The following LAMA4 variants were observed in gnomAD, a reference collection of about 807,000 sequenced individuals.
LAMA4 encodes the protein laminin subunit alpha 4.
Under a neutral mutation model 207.1 loss-of-function variants are expected in LAMA4, and 127 were observed. The observed-to-expected ratio is 0.61, with a 90% CI of 0.53 to 0.71. The LOEUF is 0.71. LAMA4 is among the 30% of genes least tolerant of loss of function. LAMA4 has a pLI of 0.00. For synonymous variants in LAMA4, 761 were observed against 816.0 expected (o/e 0.93, Z 1.15); for missense variants, 2,093 against 2,246.5 (o/e 0.93, Z 1.38).
intron 17 of LAMA4, among the ~76,000 whole-genome samples, chr6:112,148,652 T>C (rs1459072792): frequency 6.6e-6 from 1 of 152,146 alleles, no homozygotes; most frequent in African/African-American, 2.4e-5. Flanking sequence ...AGTAGGCTTG[T>C]GGAACACTTC....
chr6:112,247,697 C>T (rs1263083141), intron 2 of LAMA4, among the ~76,000 whole-genome samples: 1 of 152,138 alleles, frequency 6.6e-6, no homozygotes, highest in African/African-American at 2.4e-5. Flanking sequence ...AGTCTTAAAA[C>T]TTTCTCTGTA....
intron 9 of LAMA4, 78 bp downstream of exon 9, chr6:112,185,159 T>C (rs1782608273): frequency 9.4e-6 from 9 of 961,896 alleles, no homozygotes; most frequent in Non-Finnish European, 1.5e-5. Context: ...GCCTCAGTCG[T>C]TTGTGACCAG....
chr6:112,144,870 C>T lies in LAMA4; in HGVS notation c.2417G>A (p.Arg806Gln), dbSNP rs1554334150. The T allele has an allele frequency of 5.6e-6, 9 of 1,613,998 alleles. No individual in the cohort carries two copies. Among genetic ancestry groups the T allele is most frequent in the Admixed American group, 5.0e-5 (3 of 60,030 alleles). The change falls in exon 19 of 39, where the codon CGA becomes CAA. Residue 806 changes from arginine to glutamine, a missense_variant. By Grantham distance (43) the Arg-to-Gln change is conservative. Transcript: ENST00000230538. Reference protein sequence around the residue: ...LDQLRTVEQKRPASNVSASIQ... With the variant: ...LDQLRTVEQKQPASNVSASIQ... The stretch of plus-strand genomic sequence containing the variant: ...GCTGGCAGAAACGTTGCTTGCAGGT[C>T]GCTTCTGCTCAACCGTACGAAGCTG...
intron 7 of LAMA4, among the ~76,000 whole-genome samples, chr6:112,188,713 T>G (rs1228644939): frequency 6.6e-6 from 1 of 152,198 alleles, no homozygotes; most frequent in Non-Finnish European, 1.5e-5. Flanking sequence ...AGAAGCCACT[T>G]AAATCTCTTG....
chr6:112,238,292 C>G (rs782634002), intron 2 of LAMA4, among the ~76,000 whole-genome samples: 113 of 152,278 alleles, frequency 7.4e-4, no homozygotes, highest in Non-Finnish European at 1.2e-3. Flanking sequence ...AGGTAGTGTG[C>G]ACCTTTTTGC....
chr6:112,175,719 G>T (rs1554343517), intron 10 of LAMA4, among the ~76,000 whole-genome samples: 1 of 152,230 alleles, frequency 6.6e-6, no homozygotes, highest in African/African-American at 2.4e-5. Flanking sequence ...CCCATGCGGG[G>T]TCTTCAGAAT....
At position 112,117,439 on chromosome 6, in the gene LAMA4, GC is replaced by G. The variant is rs1212975044; in HGVS notation, c.4981+299del. Among the ~76,000 whole-genome samples, 2 of 152,146 alleles carry G rather than the reference GC, an allele frequency of 1.3e-5. No homozygotes were observed. Among genetic ancestry groups the G allele is most frequent in the African/African-American group, 2.4e-5 (1 of 41,430 alleles). ...GAGCAAGACCTTGAGGAGCAAGGTG[GC>G]CAAAAACTGACATGGATCAGGCCAC... On this transcript the variant is annotated intron_variant, in intron 35 of 38. Coordinates refer to ENST00000230538, the MANE Select transcript of LAMA4 (RefSeq NM_001105206.3). The surrounding 1 kb of genome is among the most constrained non-coding windows in gnomAD (Gnocchi z 4.5).
At chr6:112,155,368 C>G in intron 15 of LAMA4, 197 bp downstream of exon 15, 1 of 619,556 alleles carries the variant, frequency 1.6e-6, no homozygotes, top group Non-Finnish European at 2.8e-6. Flanking sequence ...CATTTGCTGA[C>G]TGGACTACAG....
At chr6:112,176,162 C>T (rs1318651245) in intron 10 of LAMA4, among the ~76,000 whole-genome samples, 1 of 152,196 alleles carries the variant, frequency 6.6e-6, no homozygotes, top group Non-Finnish European at 1.5e-5. Context: ...TTTCACCCCA[C>T]TTCCATAAGT....
At chr6:112,158,591 A>G in intron 14 of LAMA4, 141 bp downstream of exon 14, 1 of 853,592 alleles carries the variant, frequency 1.2e-6, no homozygotes, top group Non-Finnish European at 1.9e-6. Flanking sequence ...CAACCAACCA[A>G]CCAACATATC....
In LAMA4 at chr6:112,119,236, G is replaced by A; in HGVS notation, c.4741C>T (p.Pro1581Ser). 1 of 1,613,994 alleles carries A rather than the reference G, an allele frequency of 6.2e-7. No individual in the cohort carries two copies. The highest frequency in any genetic ancestry group is 1.1e-5 in the South Asian group (1 of 91,076). Residue 1581 changes from proline to serine, a missense_variant, in exon 34 of 39, where the codon CCT becomes TCT. By Grantham distance (74) the Pro-to-Ser change is moderately conservative. This residue lies in a region of LAMA4 where 383 missense variants were observed against 437.8 expected (regional missense o/e 0.87). Transcript: ENST00000230538. ...TTGATTTTCCAGGTAGCTTCAGTAG[G>A]AGGAAGACTTTCTTCTAGGACTCGG... is the stretch of plus-strand genomic sequence containing the variant. ...GLRVLEESLP[P>S]TEATWKIKGP...
intron 2 of LAMA4, among the ~76,000 whole-genome samples, chr6:112,230,432 C>G (rs1554364089): frequency 6.6e-6 from 1 of 152,166 alleles, no homozygotes; most frequent in Admixed American, 6.6e-5. Flanking sequence ...TGACCTTGCC[C>G]AGATTATTTA....
At chr6:112,114,933 G>C (rs1366681440) in intron 36 of LAMA4, among the ~76,000 whole-genome samples, 177 bp from the exon 37 acceptor site, 2 of 152,156 alleles carry the variant, frequency 1.3e-5, no homozygotes, top group Admixed American at 6.6e-5. Context: ...AACTGGGGGT[G>C]CTCTTTGGGG....
chr6:112,144,305 G>A (rs1266308356), intron 19 of LAMA4, among the ~76,000 whole-genome samples: 1 of 152,220 alleles, frequency 6.6e-6, no homozygotes, highest in African/African-American at 2.4e-5. Flanking sequence ...AACCCTGCGG[G>A]TGGTCAGTAA....
intron 19 of LAMA4, 114 bp downstream of exon 19, chr6:112,144,680 T>C (rs1779909566): frequency 3.3e-6 from 4 of 1,225,826 alleles, no homozygotes; most frequent in Non-Finnish European, 4.8e-6. Context: ...TGAGAACTAC[T>C]GAGTTGGAGA....
rs924071524 is a variant in LAMA4, at chr6:112,154,712, C to T, written c.2056+139G>A. On this transcript the variant is annotated intron_variant, in intron 16 of 38. Coordinates refer to ENST00000230538, the MANE Select transcript of LAMA4 (RefSeq NM_001105206.3). Reference sequence around the variant, plus strand: ...AAATCTTTGCTCTTTTGTAACTTGACTCTGAGCAGGAACTACTGATATGTT... The same window carrying T: ...AAATCTTTGCTCTTTTGTAACTTGATTCTGAGCAGGAACTACTGATATGTT... 1.1e-4 allele frequency: 77 copies of T among 687,520 alleles called. 1 individual carries two copies. The highest frequency in any genetic ancestry group is 1.1e-3 in the South Asian group (66 of 62,520). The allele number at this position is 687,520 out of a possible 1,614,324, so 42.6% of individuals were successfully genotyped here.
chr6:112,227,379 A>G (rs1343929481), intron 2 of LAMA4, among the ~76,000 whole-genome samples: 1 of 152,140 alleles, frequency 6.6e-6, no homozygotes, highest in African/African-American at 2.4e-5. Flanking sequence ...TGACTATGTT[A>G]TTTCTTAAAA....
chr6:112,140,687 T>C, intron 22 of LAMA4, 73 bp downstream of exon 22: 2 of 1,417,136 alleles, frequency 1.4e-6, no homozygotes, highest in Non-Finnish European at 2.0e-6. Context: ...CCCCAAGTCA[T>C]TATAGGTTTA....
chr6:112,183,562 A>G (rs1206024951), intron 9 of LAMA4, among the ~76,000 whole-genome samples: 1 of 152,210 alleles, frequency 6.6e-6, no homozygotes, highest in African/African-American at 2.4e-5. Context: ...GGGAAATTGT[A>G]CAACAAAAGG....
Sources: gnomAD v4.1 joint callset for allele counts (sites outside exome capture counted in the v4.1 genomes callset) on GRCh38, gnomAD v4.1.1 for gene constraint, gnomAD v4.1.1 regional missense constraint, Gnocchi (gnomAD v3.1) non-coding constraint, MANE v1.5 for transcripts, NCBI Gene and HGNC (gene_info 2026-07-23, HGNC 2026-07-21) for gene names.